CAMTA1: variants seen among roughly 807,000 people sequenced by gnomAD.
The protein encoded by CAMTA1 is calmodulin-binding transcription activator 1.
In CAMTA1, 27 loss-of-function variants were observed where a neutral mutation model predicts 170.9. The ratio of observed to expected loss-of-function variants is 0.16; its 90% CI spans 0.12 to 0.22. CAMTA1 has a LOEUF of 0.22. Among genes scored for constraint, CAMTA1 ranks in the 10% least tolerant of loss-of-function variants. CAMTA1 has a pLI of 1.00. For synonymous variants in CAMTA1, 833 were observed against 891.5 expected (o/e 0.93, Z 1.17); for missense variants, 1,619 against 2,217.2 (o/e 0.73, Z 5.42).
rs559365372 is a variant in CAMTA1 at position 6,890,118 on chromosome 1, C to G, written c.234+64908C>G. Among the ~76,000 whole-genome samples the G allele has an allele frequency of 2.8e-4, 43 of 152,328 alleles. 1 individual carries two copies. The highest frequency in any genetic ancestry group is 2.5e-3 in the South Asian group (12 of 4,822). On this transcript the variant is annotated intron_variant, in intron 3 of 22. Transcript: ENST00000303635. ...GCAGAGAGGGACTCTGACCCAGGAG[C>G]CTTCCGGAGGCTCTGCTGAAGAGAA...
intron 5 of CAMTA1, among the ~76,000 whole-genome samples, chr1:7,446,092 C>T (rs1296777904): frequency 6.6e-6 from 1 of 151,780 alleles, no homozygotes. Context: ...ATCCTCCGCC[C>T]GCCGCTCACC....
At chr1:7,751,098 G>T in intron 19 of CAMTA1, 101 bp from the exon 20 acceptor site, 1 of 966,064 alleles carries the variant, frequency 1.0e-6, no homozygotes, top group Non-Finnish European at 1.6e-6. Flanking sequence ...TAATAGAGGG[G>T]AAAAGCATTT....
chr1:7,528,937 T>C (rs568501655), intron 6 of CAMTA1, among the ~76,000 whole-genome samples: 1 of 152,244 alleles, frequency 6.6e-6, no homozygotes, highest in African/African-American at 2.4e-5. Flanking sequence ...CTGTGTAGGG[T>C]AGAAACTCCT....
intron 4 of CAMTA1, among the ~76,000 whole-genome samples, chr1:7,189,178 T>C (rs1243401510): frequency 6.6e-6 from 1 of 152,226 alleles, no homozygotes; most frequent in African/African-American, 2.4e-5. Context: ...AAATACTTTC[T>C]GTGTGGTTTC....
chr1:7,421,092 C>G (rs564112768), intron 5 of CAMTA1, among the ~76,000 whole-genome samples: 18 of 152,286 alleles, frequency 1.2e-4, no homozygotes, highest in African/African-American at 4.3e-4. Flanking sequence ...TCCAGCACCC[C>G]TTGGAATAGC....
Position 7,661,999 on chromosome 1 carries a change from C to T in CAMTA1, c.805+133C>T, listed in dbSNP as rs1023228681. On this transcript the variant is annotated intron_variant, in intron 8 of 22. Coordinates refer to ENST00000303635, the MANE Select transcript of CAMTA1 (RefSeq NM_015215.4). ...AGGAGGGGGACAGTCAGGGACTGGGCGACACCACCGCACCCAGCACAGACA... is the reference window on the plus strand; with the variant it reads ...AGGAGGGGGACAGTCAGGGACTGGGTGACACCACCGCACCCAGCACAGACA... 3.0e-5 allele frequency: 32 copies of T among 1,071,016 alleles called. No individual in the cohort carries two copies. In the Middle Eastern group the frequency reaches 1.2e-3, roughly 41 times the overall value. 66.3% of individuals were successfully genotyped at this position (1,071,016 alleles called of 1,614,324 possible). A position where few individuals can be genotyped will look rare whatever the true frequency, so the allele number is the denominator to read the frequency against.
chr1:7,131,898 A>G (rs754126507), intron 4 of CAMTA1, among the ~76,000 whole-genome samples: 1 of 152,180 alleles, frequency 6.6e-6, no homozygotes, highest in East Asian at 1.9e-4. Flanking sequence ...TCTACTAAAA[A>G]TACAAAAATT....
rs532946853 is a variant in CAMTA1, at chr1:7,029,596, A to ATC, written c.235-61690_235-61689dup. Among the ~76,000 whole-genome samples, 1,189 of 149,544 alleles carry ATC rather than the reference A, an allele frequency of 8.0e-3. 16 individuals are homozygous for ATC. The highest frequency in any genetic ancestry group is 0.027 in the African/African-American group (1,117 of 40,954). On this transcript the variant is annotated intron_variant, in intron 3 of 22. Transcript: ENST00000303635. ...CCAGTGAGTTTGCAAATATCAAGAA[A>ATC]TCTCTCTCTCTCTCTCTCTTTTTTG...
At position 7,446,243 on chromosome 1, in the gene CAMTA1, C is replaced by T. The variant is rs189652708; in HGVS notation, c.439-21587C>T. Among the ~76,000 whole-genome samples, 19 of 150,482 alleles carry T rather than the reference C, an allele frequency of 1.3e-4. 1 individual carries two copies. The highest frequency in any genetic ancestry group is 1.3e-3 in the Admixed American group (19 of 15,158). The stretch of plus-strand genomic sequence containing the variant: ...TAGAGGAAGTGAAAATGTAAAAACA[C>T]GACCCCCATTTTCCTCTCCCTATGA... On this transcript the variant is annotated intron_variant, in intron 5 of 22. Coordinates refer to ENST00000303635, the MANE Select transcript of CAMTA1 (RefSeq NM_015215.4).
At chr1:7,457,508 G>A (rs1157999718) in intron 5 of CAMTA1, among the ~76,000 whole-genome samples, 2 of 151,866 alleles carry the variant, frequency 1.3e-5, no homozygotes, top group Admixed American at 1.3e-4. Context: ...GTGTCCCCGG[G>A]CCAGGCTGTG....
chr1:7,543,473 C>T (rs1488068986), intron 6 of CAMTA1, among the ~76,000 whole-genome samples: 5 of 152,054 alleles, frequency 3.3e-5, no homozygotes, highest in Non-Finnish European at 2.9e-5. Context: ...TCTAGTATAT[C>T]GACTTTGGAA....
intron 5 of CAMTA1, among the ~76,000 whole-genome samples, chr1:7,264,465 A>G (rs1413762890): frequency 6.6e-6 from 1 of 152,204 alleles, no homozygotes; most frequent in African/African-American, 2.4e-5. Context: ...TTGTCTTTTA[A>G]AAAGATCATC....
chr1:7,230,778 C>A (rs1393624265), intron 4 of CAMTA1, among the ~76,000 whole-genome samples: 1 of 152,162 alleles, frequency 6.6e-6, no homozygotes, highest in African/African-American at 2.4e-5. Context: ...AGCCCCAGCC[C>A]CCGGGAGCCA....
In CAMTA1 at chr1:7,738,005, G is replaced by A. The variant is rs768650801; in HGVS notation, c.3705G>A (p.Glu1235=). The change falls in exon 16 of 23, where the codon GAG becomes GAA. Residue 1235 remains glutamate (E), a synonymous_variant. Transcript: ENST00000303635. This position sits in a 1 kb window ranked among gnomAD's most constrained non-coding sequence, Gnocchi z 4.9. ...RSEPSNYYSS[E]SHKDYPAPKK... is the part of the protein sequence containing the mutation. ...AACCCTCTAATTACTACAGCAGTGA[G>A]AGCCACAAAGATTATCCGGCTCCCA... is the stretch of plus-strand genomic sequence containing the variant. The A allele has an allele frequency of 6.2e-7, 1 of 1,614,058 alleles. No homozygotes were observed. Among genetic ancestry groups the A allele is most frequent in the East Asian group, 2.2e-5 (1 of 44,884 alleles).
chr1:7,734,177 C>T (rs1270063684), intron 12 of CAMTA1, among the ~76,000 whole-genome samples: 1 of 152,182 alleles, frequency 6.6e-6, no homozygotes, highest in Non-Finnish European at 1.5e-5. Flanking sequence ...GAACTCCCAA[C>T]CTCAGGTGAT....
intron 5 of CAMTA1, among the ~76,000 whole-genome samples, chr1:7,351,914 G>A (rs1251400269): frequency 4.6e-5 from 7 of 152,228 alleles, no homozygotes; most frequent in Admixed American, 6.5e-5. Context: ...CTGAGAGCAC[G>A]CAAGTGAGAA....
intron 3 of CAMTA1, among the ~76,000 whole-genome samples, chr1:7,080,172 CATT>C (rs1639825395): frequency 6.6e-6 from 1 of 152,194 alleles, no homozygotes; most frequent in Admixed American, 6.5e-5. Context: ...TCATGGCACA[CATT>C]AGAGGAAACT....
At chr1:7,406,504 T>C (rs2090298015) in intron 5 of CAMTA1, among the ~76,000 whole-genome samples, 1 of 152,136 alleles carries the variant, frequency 6.6e-6, no homozygotes, top group Admixed American at 6.5e-5. Flanking sequence ...GACAACAATA[T>C]CCATGGCTTT....
Position 7,510,627 on chromosome 1 carries a change from G to T in CAMTA1, c.510+42726G>T, listed in dbSNP as rs77597425. On this transcript the variant is annotated intron_variant, in intron 6 of 22. Transcript: ENST00000303635. ...AGTCCATCAACAATCCATCAGAAAT[G>T]ACGTCAAGAATCTTTCAAGTGATGA... Among the ~76,000 whole-genome samples, 674 of 146,680 alleles carry T rather than the reference G, an allele frequency of 4.6e-3. 46 individuals are homozygous for T. The highest frequency in any genetic ancestry group is 0.015 in the African/African-American group (626 of 40,992).
Sources: gnomAD v4.1 joint callset for allele counts (sites outside exome capture counted in the v4.1 genomes callset) on GRCh38, gnomAD v4.1.1 for gene constraint, Gnocchi (gnomAD v3.1) non-coding constraint, MANE v1.5 for transcripts, NCBI Gene and HGNC (gene_info 2026-07-23, HGNC 2026-07-21) for gene names.